The following TJP1 variants were observed in gnomAD, a reference collection of about 807,000 sequenced individuals.
TJP1 encodes tight junction protein 1, also known as tight junction protein ZO-1.
In TJP1, 43 loss-of-function variants were observed where a neutral mutation model predicts 194.2. The ratio of observed to expected loss-of-function variants is 0.22; its 90% CI spans 0.17 to 0.29. TJP1 has a LOEUF of 0.29. Ranked by LOEUF, TJP1 falls within the 10% of genes least tolerant of loss-of-function variation. The probability of loss-of-function intolerance (pLI) is 1.00; values close to 1 mark genes in which losing one functional copy is unlikely to be tolerated. For missense variants in TJP1, 1,971 were observed against 2,185.7 expected (o/e 0.90, Z 1.96); for synonymous variants, 801 against 779.0 (o/e 1.03, Z -0.47).
intron 2 of TJP1, among the ~76,000 whole-genome samples, chr15:29,776,569 A>G (rs997473228): frequency 6.6e-6 from 1 of 152,208 alleles, no homozygotes; most frequent in Non-Finnish European, 1.5e-5. Context: ...GTTTGAAACC[A>G]TATCATTCAA....
chr15:29,957,943 A>C (rs964238689), intron 1 of TJP1, among the ~76,000 whole-genome samples: 1 of 152,128 alleles, frequency 6.6e-6, no homozygotes, highest in African/African-American at 2.4e-5. Context: ...TTATCACTCA[A>C]CTTCTCCATG....
At chr15:29,927,947 G>GT (rs761076862) in intron 2 of TJP1, among the ~76,000 whole-genome samples, 60 of 152,202 alleles carry the variant, frequency 3.9e-4, no homozygotes, top group Admixed American at 5.9e-4. Flanking sequence ...TCGGACTGAT[G>GT]TTAACCCAGA....
intron 2 of TJP1, among the ~76,000 whole-genome samples, chr15:29,796,225 G>A (rs2048391183): frequency 6.6e-6 from 1 of 151,448 alleles, no homozygotes; most frequent in Non-Finnish European, 1.5e-5. Context: ...TCAAAAGGAG[G>A]GAAAAAAACT....
chr15:29,841,120 T>A (rs2051210056), intron 2 of TJP1, among the ~76,000 whole-genome samples: 1 of 152,144 alleles, frequency 6.6e-6, no homozygotes, highest in Non-Finnish European at 1.5e-5. Context: ...GAAGGTGGAA[T>A]GTGACTGGAT....
intron 15 of TJP1, chr15:29,729,565 A>C (rs1390391214): frequency 6.6e-6 from 1 of 152,072 alleles, no homozygotes; most frequent in Admixed American, 6.6e-5. Flanking sequence ...CACGCCTGTA[A>C]TCCCAGCACT....
intron 2 of TJP1, among the ~76,000 whole-genome samples, chr15:29,843,390 T>C (rs183562232): frequency 6.6e-6 from 1 of 152,200 alleles, no homozygotes; most frequent in East Asian, 1.9e-4. Flanking sequence ...GGTTTCTCTA[T>C]GTTGGTCAGG....
At chr15:29,761,933 TA>T (rs2046032908) in intron 6 of TJP1, among the ~76,000 whole-genome samples, 164 bp from the exon 7 acceptor site, 1 of 152,220 alleles carries the variant, frequency 6.6e-6, no homozygotes, top group South Asian at 2.1e-4. Flanking sequence ...CTTGAGATGA[TA>T]AAATCTTTAC....
At chr15:29,858,867 T>C (rs1277428483) in intron 2 of TJP1, among the ~76,000 whole-genome samples, 2 of 152,076 alleles carry the variant, frequency 1.3e-5, no homozygotes, top group South Asian at 2.1e-4. Context: ...CTAATTTTTG[T>C]ATATTTTTTG....
At chr15:29,933,092 A>G (rs2054772160) in intron 2 of TJP1, among the ~76,000 whole-genome samples, 1 of 152,184 alleles carries the variant, frequency 6.6e-6, no homozygotes, top group African/African-American at 2.4e-5. Flanking sequence ...CATCACACAC[A>G]CACATTTTGT....
intron 2 of TJP1, among the ~76,000 whole-genome samples, chr15:29,827,711 A>G (rs1161425655): frequency 6.6e-6 from 1 of 152,234 alleles, no homozygotes; most frequent in Non-Finnish European, 1.5e-5. Flanking sequence ...ATAGTGCATA[A>G]AAAACATGAC....
intron 2 of TJP1, among the ~76,000 whole-genome samples, chr15:29,828,168 GGAGA>G (rs1008175279): frequency 7.9e-5 from 12 of 152,222 alleles, no homozygotes; most frequent in African/African-American, 2.4e-4. Flanking sequence ...TGGAGACAGA[GGAGA>G]GAGAGAATAT....
chr15:29,887,897 T>C (rs2053173407), intron 2 of TJP1, among the ~76,000 whole-genome samples: 1 of 152,152 alleles, frequency 6.6e-6, no homozygotes, highest in African/African-American at 2.4e-5. Context: ...TGGCAATACA[T>C]GTAACTGGAG....
chr15:29,921,448 G>A (rs879238070), intron 2 of TJP1, among the ~76,000 whole-genome samples: 2 of 151,552 alleles, frequency 1.3e-5, no homozygotes, highest in East Asian at 1.9e-4. Context: ...AACCTGCAGG[G>A]CCAGCCACTG....
intron 2 of TJP1, among the ~76,000 whole-genome samples, chr15:29,923,626 G>C (rs1318560046): frequency 6.6e-6 from 1 of 152,180 alleles, no homozygotes; most frequent in African/African-American, 2.4e-5. Flanking sequence ...AAAGACAGTA[G>C]ATTAGTGGTT....
intron 2 of TJP1, among the ~76,000 whole-genome samples, chr15:29,785,245 T>C (rs997647954): frequency 2.0e-5 from 3 of 152,232 alleles, no homozygotes; most frequent in African/African-American, 7.2e-5. Context: ...CTTCTGTGTT[T>C]ATATGTCTAC....
intron 18 of TJP1, 74 bp from the exon 19 acceptor site, chr15:29,720,782 G>A: frequency 8.8e-7 from 1 of 1,130,442 alleles, no homozygotes; most frequent in South Asian, 1.7e-5. Context: ...GTACAAGGCA[G>A]ATTGAAAAGG....
chr15:29,889,245 T>C (rs956946173), intron 2 of TJP1, among the ~76,000 whole-genome samples: 5 of 152,238 alleles, frequency 3.3e-5, no homozygotes, highest in African/African-American at 1.2e-4. Flanking sequence ...ATTTATTAAG[T>C]TTGTAAATAA....
chr15:29,868,519 GTTC>G (rs751365104), intron 2 of TJP1, among the ~76,000 whole-genome samples: 2 of 152,118 alleles, frequency 1.3e-5, no homozygotes, highest in Non-Finnish European at 2.9e-5. Context: ...GGACTGTTGA[GTTC>G]TCCTTTCAAT....
chr15:29,878,687 T>C lies in TJP1; in HGVS notation c.306+77545A>G. On this transcript the variant is annotated intron_variant, in intron 2 of 28. Transcript: ENST00000356107. ...CATAGCTCTGTATAACATCCAACCA[T>C]GCATGTAAACAGCTGAAAGGAAAAG... 1.3e-5 allele frequency among the ~76,000 whole-genome samples: 2 copies of C among 152,142 alleles called. 1 individual carries two copies. The highest frequency in any genetic ancestry group is 3.8e-4 in the East Asian group (2 of 5,200).
Sources: gnomAD v4.1 joint callset for allele counts (sites outside exome capture counted in the v4.1 genomes callset) on GRCh38, gnomAD v4.1.1 for gene constraint, MANE v1.5 for transcripts, NCBI Gene and HGNC (gene_info 2026-07-23, HGNC 2026-07-21) for gene names.